LRRC1: variants seen among roughly 807,000 people sequenced by gnomAD.
LRRC1 encodes the protein leucine-rich repeat-containing protein 1.
LRRC1 carries 28 observed loss-of-function variants against 69.9 expected under a neutral mutation model. The ratio of observed to expected loss-of-function variants is 0.40; its 90% CI spans 0.30 to 0.55. The LOEUF is 0.55. Ranked by LOEUF, LRRC1 falls within the 20% of genes least tolerant of loss-of-function variation. LRRC1 has a pLI of 0.47. For missense variants in LRRC1, 498 were observed against 609.0 expected, an observed-to-expected ratio of 0.82 and a Z score of 1.92; for synonymous variants, 236 against 240.2, an observed-to-expected ratio of 0.98 and a Z score of 0.16.
At chr6:53,906,872 C>G (rs1269542352) in intron 10 of LRRC1, among the ~76,000 whole-genome samples, 1 of 152,204 alleles carries the variant, frequency 6.6e-6, no homozygotes, top group Non-Finnish European at 1.5e-5. Context: ...GGAGTTGGAT[C>G]TTTTCTAGAT....
intron 1 of LRRC1, among the ~76,000 whole-genome samples, chr6:53,837,467 A>G (rs1294476722): frequency 6.6e-6 from 1 of 152,190 alleles, no homozygotes; most frequent in Non-Finnish European, 1.5e-5. Context: ...AAAGGGGTCA[A>G]GATGTATGTG....
chr6:53,839,211 C>T (rs1470542220), intron 1 of LRRC1, among the ~76,000 whole-genome samples: 1 of 151,966 alleles, frequency 6.6e-6, no homozygotes, highest in East Asian at 1.9e-4. Context: ...GTTATGAGGA[C>T]AGGTGTCCAG....
Position 53,919,479 on chromosome 6 carries a change from A to T in LRRC1, c.1107-19A>T, listed in dbSNP as rs776754873. ...TGAGGTTGTGATGTCTCTTTTTTTA[A>T]AAAAAAAAAAAAAAACAGGTTGCTG... On this transcript the variant is annotated intron_variant, in intron 11 of 13. Transcript: ENST00000370888. The T allele has an allele frequency of 8.3e-3, 10,402 of 1,256,136 alleles. 268 individuals are homozygous for T. In the African/African-American group the frequency reaches 0.11, roughly 13 times the overall value. 77.8% of individuals were successfully genotyped at this position (1,256,136 alleles called of 1,614,324 possible).
intron 1 of LRRC1, among the ~76,000 whole-genome samples, chr6:53,806,047 A>T (rs539062657): frequency 6.6e-6 from 1 of 151,786 alleles, no homozygotes; most frequent in South Asian, 2.1e-4. Flanking sequence ...GTGGTGAAGT[A>T]CTCTTCCCAC....
intron 2 of LRRC1, among the ~76,000 whole-genome samples, chr6:53,872,336 G>T (rs1766914405): frequency 6.6e-6 from 1 of 152,100 alleles, no homozygotes; most frequent in Admixed American, 6.5e-5. Context: ...GTGGTGATTT[G>T]TGAGATTTTG....
chr6:53,816,395 A>T (rs1248592831), intron 1 of LRRC1, among the ~76,000 whole-genome samples: 3 of 151,982 alleles, frequency 2.0e-5, no homozygotes, highest in African/African-American at 7.3e-5. Context: ...GACAGAATAT[A>T]TAGGTATATT....
chr6:53,879,992 T>A (rs915898342), intron 3 of LRRC1, among the ~76,000 whole-genome samples: 1 of 152,198 alleles, frequency 6.6e-6, no homozygotes. Flanking sequence ...TTCTCAAGAA[T>A]CTGAGAGGAA....
chr6:53,914,670 A>G (rs1052987280), intron 11 of LRRC1, among the ~76,000 whole-genome samples: 2 of 152,140 alleles, frequency 1.3e-5, no homozygotes, highest in African/African-American at 2.4e-5. Flanking sequence ...TCAGCACCCT[A>G]AATGTCATAT....
rs903401157 is a variant in LRRC1, at chr6:53,796,548, T to G, written c.159+1133T>G. Among the ~76,000 whole-genome samples, 6 of 152,220 alleles carry G rather than the reference T, an allele frequency of 3.9e-5. No homozygotes were observed. The South Asian group carries it at 1.0e-3, about 26-fold the overall frequency. Reference sequence around the variant, plus strand: ...TGTCACAGAAACACTAGTCAAGTGTTCTGACTTGTTAGAATGACCTGATAC... The same window carrying G: ...TGTCACAGAAACACTAGTCAAGTGTGCTGACTTGTTAGAATGACCTGATAC... On this transcript the variant is annotated intron_variant, in intron 1 of 13. Coordinates refer to ENST00000370888, the MANE Select transcript of LRRC1 (RefSeq NM_018214.5).
chr6:53,882,688 C>T (rs1767338187), intron 3 of LRRC1, among the ~76,000 whole-genome samples, 199 bp from the exon 4 acceptor site: 1 of 152,116 alleles, frequency 6.6e-6, no homozygotes, highest in East Asian at 1.9e-4. Context: ...CCCTGTACAT[C>T]TATTATGTAT....
intron 1 of LRRC1, among the ~76,000 whole-genome samples, chr6:53,815,517 G>A (rs1764927347): frequency 1.3e-5 from 2 of 152,096 alleles, no homozygotes; most frequent in South Asian, 2.1e-4. Context: ...CACAGTGAGC[G>A]TGTCCTGAGG....
At chr6:53,892,947 C>A (rs934095485) in intron 4 of LRRC1, among the ~76,000 whole-genome samples, 1 of 152,100 alleles carries the variant, frequency 6.6e-6, no homozygotes, top group Non-Finnish European at 1.5e-5. Context: ...ATAGTCAGAG[C>A]CTTTGTTTGC....
At chr6:53,811,448 C>T (rs560521372) in intron 1 of LRRC1, among the ~76,000 whole-genome samples, 36 of 152,228 alleles carry the variant, frequency 2.4e-4, no homozygotes, top group Non-Finnish European at 3.5e-4. Context: ...GACGTTTCCT[C>T]TCCCACTTGT....
rs6912593 is a variant in LRRC1, at chr6:53,853,337, C to T, written c.277+11110C>T. Among the ~76,000 whole-genome samples the T allele has an allele frequency of 7.9e-3, 1,157 of 146,476 alleles. 13 individuals are homozygous for T. The highest frequency in any genetic ancestry group is 0.028 in the African/African-American group (1,099 of 38,848). On this transcript the variant is annotated intron_variant, in intron 2 of 13. Coordinates refer to ENST00000370888, the MANE Select transcript of LRRC1 (RefSeq NM_018214.5). Reference sequence around the variant, plus strand: ...TTTCGCTCTGTTGCCCAGGCTGGAGCGCAATGGTGTGATCTCGGCTCACTG... The same window carrying T: ...TTTCGCTCTGTTGCCCAGGCTGGAGTGCAATGGTGTGATCTCGGCTCACTG...
chr6:53,826,072 G>A (rs185728479), intron 1 of LRRC1, among the ~76,000 whole-genome samples: 78 of 151,740 alleles, frequency 5.1e-4, no homozygotes, highest in African/African-American at 1.7e-3. Context: ...TCTTTCTAGT[G>A]TGTCTAGAAA....
chr6:53,912,033 G>A (rs1304661917), intron 10 of LRRC1, among the ~76,000 whole-genome samples: 3 of 152,138 alleles, frequency 2.0e-5, no homozygotes, highest in African/African-American at 7.2e-5. Flanking sequence ...TACACATAGA[G>A]GCAGATAACT....
At chr6:53,797,132 G>A (rs1764324401) in intron 1 of LRRC1, among the ~76,000 whole-genome samples, 1 of 151,762 alleles carries the variant, frequency 6.6e-6, no homozygotes, top group African/African-American at 2.4e-5. Flanking sequence ...GTAATGTTGG[G>A]GAATTCAGCT....
rs1297538894 is a variant in LRRC1 at position 53,920,625 on chromosome 6, A to G, written c.1280A>G (p.Glu427Gly). 16 of 1,614,184 alleles carry G rather than the reference A, an allele frequency of 9.9e-6. No homozygotes were observed. Among genetic ancestry groups the G allele is most frequent in the Non-Finnish European group, 1.3e-5 (15 of 1,180,012 alleles). Residue 427 changes from glutamate (E) to glycine (G), a missense_variant and splice_region_variant, in exon 13 of 14, where the codon GAG becomes GGG. Glu to Gly is a moderately conservative substitution (Grantham distance 98). Coordinates refer to ENST00000370888, the MANE Select transcript of LRRC1 (RefSeq NM_018214.5). ...GCTTATGTGGTCTTTGTCACTGCAG[A>G]GAATCTGCCTCGCTGTGGTGCACTG... Reference protein sequence around the residue: ...PQLPSEPTCQENLPRCGALEN... With the variant: ...PQLPSEPTCQGNLPRCGALEN...
chr6:53,919,488 A>AAAC lies in LRRC1; in HGVS notation c.1107-8_1107-7insCAA. Reference sequence around the variant, plus strand: ...GATGTCTCTTTTTTTAAAAAAAAAAAAAAAAACAGGTTGCTGCATCTACCT... The same window carrying AAAC: ...GATGTCTCTTTTTTTAAAAAAAAAAAAACAAAAAACAGGTTGCTGCATCTACCT... On this transcript the variant is annotated splice_polypyrimidine_tract_variant and intron_variant, in intron 11 of 13. Coordinates refer to ENST00000370888, the MANE Select transcript of LRRC1 (RefSeq NM_018214.5). The AAAC allele has an allele frequency of 2.0e-6, 3 of 1,506,338 alleles. No individual in the cohort carries two copies. Among genetic ancestry groups the AAAC allele is most frequent in the Non-Finnish European group, 1.8e-6 (2 of 1,133,876 alleles). The allele number at this position is 1,506,338 out of a possible 1,614,324, so 93.3% of individuals were successfully genotyped here.
Sources: allele counts gnomAD v4.1 joint callset (sites outside exome capture counted in the v4.1 genomes callset), GRCh38; gene constraint gnomAD v4.1.1; transcripts MANE v1.5; gene names NCBI Gene and HGNC (gene_info 2026-07-23, HGNC 2026-07-21).